GOLGB1: variants seen among roughly 807,000 people sequenced by gnomAD.
The protein encoded by GOLGB1 is golgin subfamily B member 1.
In GOLGB1, 174 loss-of-function variants were observed where a neutral mutation model predicts 336.9. The ratio of observed to expected loss-of-function variants is 0.52; its 90% CI spans 0.46 to 0.59. The LOEUF (loss-of-function observed/expected upper bound fraction) is 0.59. GOLGB1 is among the 20% of genes least tolerant of loss of function. GOLGB1 has a pLI of 0.00. For synonymous variants in GOLGB1, 1,208 were observed against 1,289.2 expected, an observed-to-expected ratio of 0.94 and a Z score of 1.35; for missense variants, 3,331 against 3,645.3, an observed-to-expected ratio of 0.91 and a Z score of 2.22.
chr3:121,730,194 A>G, intron 2 of GOLGB1, 177 bp from the exon 3 acceptor site: 1 of 484,820 alleles, frequency 2.1e-6, no homozygotes, highest in Non-Finnish European at 3.6e-6. Flanking sequence ...TAAGTATTTT[A>G]TAAATGTTAA....
At position 121,692,109 on chromosome 3, in the gene GOLGB1, C is replaced by G; in HGVS notation, c.7255G>C (p.Glu2419Gln). 1 of 1,613,596 alleles carries G rather than the reference C, an allele frequency of 6.2e-7. No individual in the cohort carries two copies. The highest frequency in any genetic ancestry group is 8.5e-7 in the Non-Finnish European group (1 of 1,179,752). Residue 2419 changes from glutamate (E) to glutamine (Q), a missense_variant, in exon 14 of 22, where the codon GAA becomes CAA. Glu to Gln is a conservative substitution (Grantham distance 29). Coordinates refer to ENST00000614479, the MANE Select transcript of GOLGB1 (RefSeq NM_001366282.2). ...QQHDKEIKEL[E>Q]NLLSQEEEEN... ...TCTTCCTCCTGGGACAGCAGGTTTT[C>G]CAGCTCTTTAATTTCTTTATCATGT...
intron 10 of GOLGB1, among the ~76,000 whole-genome samples, chr3:121,705,333 G>A (rs1489950599): frequency 1.3e-5 from 2 of 152,166 alleles, no homozygotes; most frequent in East Asian, 3.9e-4. Context: ...TTTTGCTTCT[G>A]CTAAAGACTG....
At chr3:121,684,127 C>CAAAAAAAA (rs61510295) in intron 14 of GOLGB1, among the ~76,000 whole-genome samples, 27 of 10,902 alleles carry the variant, frequency 2.5e-3, no homozygotes, top group East Asian at 6.4e-3. Context: ...GACGCCGTCT[C>CAAAAAAAA]AAAAAAAAAA....
At chr3:121,684,825 T>A (rs1236475448) in intron 14 of GOLGB1, among the ~76,000 whole-genome samples, 1 of 152,096 alleles carries the variant, frequency 6.6e-6, no homozygotes, top group Non-Finnish European at 1.5e-5. Flanking sequence ...AGAAAAGGAA[T>A]ACATAGAATA....
rs547521254 is a variant in GOLGB1, at chr3:121,667,567, C to T, written c.9463G>A (p.Val3155Met). The T allele has an allele frequency of 4.3e-5, 70 of 1,614,006 alleles. No individual in the cohort carries two copies. The South Asian group carries it at 6.6e-4, about 15-fold the overall frequency. The change falls in exon 20 of 22, where the codon GTG (valine) becomes ATG (methionine). Residue 3155 changes from valine (V) to methionine (M), a missense_variant. Coordinates refer to ENST00000614479, the MANE Select transcript of GOLGB1 (RefSeq NM_001366282.2). ...QQQLCNTRQE[V>M]NELRKLLEEE... is the part of the protein sequence containing the mutation. ...TCCAGCAGCTTCCTTAATTCATTCA[C>T]TTCCTGTCTGGTGTTGCATAGCTGC...
Position 121,747,617 on chromosome 3 carries a change from A to T in GOLGB1, c.-3+2015T>A, listed in dbSNP as rs948997585. 5.9e-4 allele frequency among the ~76,000 whole-genome samples: 89 copies of T among 151,974 alleles called. 2 individuals are homozygous for T. The highest frequency in any genetic ancestry group is 3.3e-4 in the Admixed American group (5 of 15,278). On this transcript the variant is annotated intron_variant, in intron 1 of 21. Coordinates refer to ENST00000614479, the MANE Select transcript of GOLGB1 (RefSeq NM_001366282.2). ...TGGATATTGAAAGTGCCTAATATAC[A>T]GTACTAAATGGCAAAAGCATGTGTA...
chr3:121,744,441 C>CAAAAAAAAA (rs11290154), intron 1 of GOLGB1, among the ~76,000 whole-genome samples: 1 of 73,098 alleles, frequency 1.4e-5, no homozygotes, highest in Non-Finnish European at 2.7e-5. Context: ...ACTGTCTCTA[C>CAAAAAAAAA]AAAAAAAAAA....
At chr3:121,672,845 T>C (rs931924967) in intron 17 of GOLGB1, among the ~76,000 whole-genome samples, 14 of 152,234 alleles carry the variant, frequency 9.2e-5, no homozygotes, top group African/African-American at 3.4e-4. Context: ...TTTCTGCATA[T>C]AGATATCCAG....
In GOLGB1 at chr3:121,747,155, T is replaced by C. The variant is rs1269068532; in HGVS notation, c.-3+2477A>G. On this transcript the variant is annotated intron_variant, in intron 1 of 21. Transcript: ENST00000614479. ...AAGATATATATACATGGATGTTATA[T>C]ATATATATATATATATATATATATA... Among the ~76,000 whole-genome samples the C allele has an allele frequency of 1.0e-3, 38 of 37,490 alleles. No homozygotes were observed. In the South Asian group the frequency reaches 0.029, roughly 29 times the overall value. 24.6% of individuals were successfully genotyped at this position (37,490 alleles called of 152,430 possible).
At chr3:121,671,129 A>G (rs1437269433) in intron 17 of GOLGB1, among the ~76,000 whole-genome samples, 3 of 152,252 alleles carry the variant, frequency 2.0e-5, no homozygotes, top group Non-Finnish European at 4.4e-5. Context: ...AAGACCATAC[A>G]GTCAACAAAC....
chr3:121,696,338 C>T lies in GOLGB1; in HGVS notation c.4185G>A (p.Leu1395=), dbSNP rs1942942911. ...TTTGCAGTTCATCCAGTTTAGGTTG[C>T]AATTCTCTTAGATGTTCTAGGCCAG... is the stretch of plus-strand genomic sequence containing the variant. ...QIAGLEHLRE[L]QPKLDELQKL... The change falls in exon 13 of 22, where the codon TTG becomes TTA. Residue 1395 remains leucine, a synonymous_variant. Transcript: ENST00000614479. 6.2e-7 allele frequency: 1 copy of T among 1,614,032 alleles called. No homozygotes were observed. Among genetic ancestry groups the T allele is most frequent in the Admixed American group, 1.7e-5 (1 of 59,998 alleles).
chr3:121,723,788 T>C (rs1945356359), intron 5 of GOLGB1, among the ~76,000 whole-genome samples: 2 of 151,982 alleles, frequency 1.3e-5, no homozygotes, highest in South Asian at 4.1e-4. Context: ...ACAAAAACAA[T>C]AGAAAAAGGA....
At position 121,667,530 on chromosome 3, in the gene GOLGB1, T is replaced by A. The variant is rs144495540; in HGVS notation, c.9500A>T (p.Asp3167Val). 3.0e-4 allele frequency: 482 copies of A among 1,614,138 alleles called. No homozygotes were observed. The highest frequency in any genetic ancestry group is 1.2e-3 in the Middle Eastern group (7 of 6,060). Residue 3167 changes from aspartate (D) to valine (V), a missense_variant, in exon 20 of 22, where the codon GAC (aspartate) becomes GTC (valine). Transcript: ENST00000614479. The part of the protein sequence containing the change: ...ELRKLLEEER[D>V]QRVAAENALS... ...AGCATTCTCAGCAGCCACTCTTTGGTCTCGTTCTTCTTCCAGCAGCTTCCT... is the reference window on the plus strand; with the variant it reads ...AGCATTCTCAGCAGCCACTCTTTGGACTCGTTCTTCTTCCAGCAGCTTCCT...
chr3:121,747,014 ATAGT>A (rs932266515), intron 1 of GOLGB1, among the ~76,000 whole-genome samples: 93 of 151,382 alleles, frequency 6.1e-4, no homozygotes, highest in Admixed American at 5.9e-3. Flanking sequence ...CACTATGTTA[ATAGT>A]TAGGTAAGTA....
chr3:121,677,086 C>T (rs998466997), intron 16 of GOLGB1, 56 bp from the exon 17 acceptor site: 1 of 1,602,810 alleles, frequency 6.2e-7, no homozygotes, highest in African/African-American at 1.3e-5. Context: ...ATGCTTAATT[C>T]CTTCCCTCTA....
At position 121,697,982 on chromosome 3, in the gene GOLGB1, A is replaced by G. The variant is rs1189151970; in HGVS notation, c.2541T>C (p.Asn847=). 3 of 1,613,832 alleles carry G rather than the reference A, an allele frequency of 1.9e-6. No homozygotes were observed. The African/African-American group carries it at 4.0e-5, about 22-fold the overall frequency. ...LIRSLQSQLQ[N]KESEVLEGAE... ...CCCCCTCAAGCACTTCACTTTCCTTATTTTGCAGCTGGCTTTGCAGGCTTC... is the reference window on the plus strand; with the variant it reads ...CCCCCTCAAGCACTTCACTTTCCTTGTTTTGCAGCTGGCTTTGCAGGCTTC... Residue 847 remains asparagine (N), a synonymous_variant, in exon 13 of 22, where the codon AAT becomes AAC. Transcript: ENST00000614479.
intron 11 of GOLGB1, among the ~76,000 whole-genome samples, chr3:121,701,250 A>C (rs1943381656): frequency 1.3e-5 from 2 of 152,182 alleles, no homozygotes; most frequent in Admixed American, 1.3e-4. Context: ...AATACCTCCA[A>C]ACCATGTGAA....
At chr3:121,676,132 A>G (rs546153099) in intron 17 of GOLGB1, among the ~76,000 whole-genome samples, 2 of 152,366 alleles carry the variant, frequency 1.3e-5, no homozygotes, top group African/African-American at 4.8e-5. Flanking sequence ...TTCAGTGTCA[A>G]TTAGTTGAAT....
At chr3:121,732,942 A>G (rs1411872050) in intron 1 of GOLGB1, among the ~76,000 whole-genome samples, 1 of 152,202 alleles carries the variant, frequency 6.6e-6, no homozygotes, top group Non-Finnish European at 1.5e-5. Context: ...CAACTAGCAA[A>G]ATGATTGTCC....
Sources: allele counts gnomAD v4.1 joint callset (sites outside exome capture counted in the v4.1 genomes callset), GRCh38; gene constraint gnomAD v4.1.1; transcripts MANE v1.5; gene names NCBI Gene and HGNC (gene_info 2026-07-23, HGNC 2026-07-21).